KIF11: variants seen among roughly 807,000 people sequenced by gnomAD.
The protein encoded by KIF11 is kinesin-like protein KIF11.
KIF11 carries 9 observed loss-of-function variants against 121.0 expected under a neutral mutation model. The ratio of observed to expected loss-of-function variants is 0.07; its 90% CI spans 0.04 to 0.13. The LOEUF (loss-of-function observed/expected upper bound fraction) is 0.13, where lower values mean the gene tolerates loss of function less well. Among genes scored for constraint, KIF11 ranks in the 10% least tolerant of loss-of-function variants. KIF11 has a pLI of 1.00. For synonymous variants in KIF11, 408 were observed against 421.0 expected (o/e 0.97, Z 0.38); for missense variants, 846 against 1,217.5 (o/e 0.69, Z 4.54).
rs1390048447 is a variant in KIF11 at position 92,648,282 on chromosome 10, A to G, written c.2618A>G (p.His873Arg). 1 of 1,613,180 alleles carries G rather than the reference A, an allele frequency of 6.2e-7. No homozygotes were observed. Among genetic ancestry groups the G allele is most frequent in the East Asian group, 2.2e-5 (1 of 44,866 alleles). The change falls in exon 19 of 22, where the codon CAT (histidine) becomes CGT (arginine). Residue 873 changes from histidine to arginine, a missense_variant. His to Arg is a conservative substitution (Grantham distance 29, BLOSUM62 0). Coordinates refer to ENST00000260731, the MANE Select transcript of KIF11 (RefSeq NM_004523.4). ...TEKSDGRKAA[H>R]EKQHNIFLDQ... ...AAATCAGATGGACGTAAGGCAGCTCATGAGAAACAGCATAACATTTTTCTT... is the reference window on the plus strand; with the variant it reads ...AAATCAGATGGACGTAAGGCAGCTCGTGAGAAACAGCATAACATTTTTCTT...
chr10:92,597,420 TGC>T (rs1844309740), intron 1 of KIF11: 1 of 153,028 alleles, frequency 6.5e-6, no homozygotes. Flanking sequence ...TGCACCACCA[TGC>T]CTGGCTAATT....
chr10:92,620,373 T>C (rs903680004), intron 9 of KIF11, among the ~76,000 whole-genome samples: 5 of 152,104 alleles, frequency 3.3e-5, no homozygotes, highest in African/African-American at 1.2e-4. Flanking sequence ...AGCCACCGCG[T>C]CCGGCCAGAG....
chr10:92,627,758 G>A (rs1844695791), intron 10 of KIF11, among the ~76,000 whole-genome samples: 1 of 152,160 alleles, frequency 6.6e-6, no homozygotes, highest in African/African-American at 2.4e-5. Flanking sequence ...TCAGTCTTAA[G>A]TCTGGGCTTC....
At chr10:92,614,014 A>ATG (rs1844524331) in intron 8 of KIF11, among the ~76,000 whole-genome samples, 2 of 116,334 alleles carry the variant, frequency 1.7e-5, no homozygotes, top group Non-Finnish European at 3.6e-5. Context: ...AAAGAAAAGT[A>ATG]TGTGTATACA....
At chr10:92,606,207 T>C in intron 1 of KIF11, 58 bp from the exon 2 acceptor site, 1 of 1,473,318 alleles carries the variant, frequency 6.8e-7, no homozygotes, top group South Asian at 1.5e-5. Context: ...AGTGAAAATG[T>C]CATTGATAAC....
At chr10:92,631,354 A>ATTTT (rs1247892671) in intron 12 of KIF11, among the ~76,000 whole-genome samples, 1 of 131,956 alleles carries the variant, frequency 7.6e-6, no homozygotes. Context: ...AAAGTATTTA[A>ATTTT]TTTTTTTTTT....
chr10:92,614,861 G>A (rs367917864), intron 8 of KIF11, among the ~76,000 whole-genome samples: 27 of 152,248 alleles, frequency 1.8e-4, no homozygotes, highest in African/African-American at 5.8e-4. Flanking sequence ...ATGGCTCACT[G>A]CAACTTAAAT....
intron 4 of KIF11, among the ~76,000 whole-genome samples, chr10:92,608,717 G>C (rs551945587): frequency 1.3e-5 from 2 of 152,152 alleles, no homozygotes; most frequent in African/African-American, 4.8e-5. Context: ...GATTATAGGC[G>C]TGAGCCACCG....
chr10:92,624,129 T>G (rs1844645683), intron 10 of KIF11, among the ~76,000 whole-genome samples: 1 of 151,994 alleles, frequency 6.6e-6, no homozygotes, highest in Admixed American at 6.6e-5. Context: ...TACTTATAAG[T>G]GAGAACGTTT....
chr10:92,604,346 C>A (rs1351910397), intron 1 of KIF11, among the ~76,000 whole-genome samples: 2 of 152,102 alleles, frequency 1.3e-5, no homozygotes, highest in Admixed American at 6.6e-5. Context: ...TACGTCCAGG[C>A]AAGATACTAG....
At chr10:92,624,226 T>C (rs1236688266) in intron 10 of KIF11, among the ~76,000 whole-genome samples, 1 of 147,750 alleles carries the variant, frequency 6.8e-6, no homozygotes, top group Non-Finnish European at 1.5e-5. Context: ...CATGATCTCA[T>C]TCTTTTTTTT....
chr10:92,619,080 G>A (rs1392295460), intron 9 of KIF11, among the ~76,000 whole-genome samples: 4 of 151,966 alleles, frequency 2.6e-5, no homozygotes, highest in Admixed American at 6.6e-5. Context: ...GCAGTGGTGC[G>A]ATCTCAGCTC....
At chr10:92,633,202 A>C (rs1375528071) in intron 13 of KIF11, among the ~76,000 whole-genome samples, 2 of 152,104 alleles carry the variant, frequency 1.3e-5, no homozygotes, top group Non-Finnish European at 2.9e-5. Context: ...CATTATGGAA[A>C]ATTTGGACAT....
rs923842851 is a variant in KIF11, at chr10:92,634,594, A to T, written c.1875+799A>T. ...CGGCCGAGAGTACGTTTATATTTTT[A>T]AAGACAGATCTCTCCACTGTTTATT... On this transcript the variant is annotated intron_variant, in intron 14 of 21. Coordinates refer to ENST00000260731, the MANE Select transcript of KIF11 (RefSeq NM_004523.4). Among the ~76,000 whole-genome samples the T allele has an allele frequency of 4.6e-5, 7 of 152,304 alleles. No individual in the cohort carries two copies. In the South Asian group the frequency reaches 8.3e-4, roughly 18 times the overall value.
chr10:92,622,573 G>C (rs1844630008), intron 10 of KIF11, among the ~76,000 whole-genome samples: 1 of 149,894 alleles, frequency 6.7e-6, no homozygotes, highest in South Asian at 2.1e-4. Context: ...TGAGATAGCA[G>C]CATTGCACTC....
chr10:92,637,093 A>T (rs1844811500), intron 14 of KIF11, 91 bp from the exon 15 acceptor site: 1 of 905,066 alleles, frequency 1.1e-6, no homozygotes, highest in Non-Finnish European at 1.6e-6. Context: ...GTGAATGTTT[A>T]GCTACCAAAG....
intron 11 of KIF11, 27 bp downstream of exon 11, chr10:92,628,922 T>C: frequency 8.4e-7 from 1 of 1,185,894 alleles, no homozygotes; most frequent in Non-Finnish European, 1.2e-6. Flanking sequence ...ATATTTACTG[T>C]TATGTGAAAA....
intron 6 of KIF11, among the ~76,000 whole-genome samples, chr10:92,611,807 G>A (rs1230921869): frequency 6.6e-6 from 1 of 152,136 alleles, no homozygotes; most frequent in Non-Finnish European, 1.5e-5. Context: ...GCTGAGGCAG[G>A]AGAACTGCTT....
At chr10:92,648,502 T>C (rs964563703) in intron 19 of KIF11, 68 bp downstream of exon 19, 6 of 1,003,698 alleles carry the variant, frequency 6.0e-6, no homozygotes, top group Non-Finnish European at 8.7e-6. Context: ...TAGTGTCAGA[T>C]GTTCAGAAAA....
Sources: allele counts gnomAD v4.1 joint callset (sites outside exome capture counted in the v4.1 genomes callset), GRCh38; gene constraint gnomAD v4.1.1; transcripts MANE v1.5; gene names NCBI Gene and HGNC (gene_info 2026-07-23, HGNC 2026-07-21).